The following CSMD1 variants were observed in gnomAD, a reference collection of about 807,000 sequenced individuals.
CSMD1 encodes CUB and Sushi multiple domains 1, also known as CUB and sushi domain-containing protein 1.
In CSMD1, 213 loss-of-function variants were observed where a neutral mutation model predicts 417.5. That is an observed-to-expected ratio of 0.51 (90% CI 0.46 to 0.57). CSMD1 has a LOEUF of 0.57. Ranked by LOEUF, CSMD1 falls within the 20% of genes least tolerant of loss-of-function variation. The probability of loss-of-function intolerance (pLI) is 0.00; values close to 1 mark genes in which losing one functional copy is unlikely to be tolerated. For missense variants in CSMD1, 6,923 were observed against 4,529.7 expected (o/e 1.53, Z -15.17); for synonymous variants, 2,862 against 1,736.8 (o/e 1.65, Z -16.11).
At chr8:3,554,134 A>C (rs78041479) in intron 10 of CSMD1, among the ~76,000 whole-genome samples, 5,366 of 152,354 alleles carry the variant, frequency 0.035, 336 homozygotes, top group African/African-American at 0.12. Context: ...CATGCCTTTT[A>C]TACAAGTGAA....
chr8:3,709,567 G>C, intron 6 of CSMD1, among the ~76,000 whole-genome samples: 1 of 151,856 alleles, frequency 6.6e-6, no homozygotes, highest in Non-Finnish European at 1.5e-5. Context: ...GCTCTCCCCA[G>C]TGTGGGTGGG....
intron 46 of CSMD1, among the ~76,000 whole-genome samples, chr8:3,101,471 G>A (rs1326699909): frequency 2.0e-5 from 3 of 152,178 alleles, no homozygotes; most frequent in Admixed American, 6.6e-5. Flanking sequence ...CGCCCAGGCT[G>A]GAGTGCAATG....
intron 5 of CSMD1, among the ~76,000 whole-genome samples, chr8:3,827,889 G>A (rs572086183): frequency 5.9e-5 from 9 of 152,196 alleles, no homozygotes; most frequent in Admixed American, 3.9e-4. Flanking sequence ...CATCCCCATG[G>A]GCTCACTCAA....
chr8:3,486,554 G>A (rs1256166610), intron 11 of CSMD1, among the ~76,000 whole-genome samples: 1 of 152,030 alleles, frequency 6.6e-6, no homozygotes, highest in Non-Finnish European at 1.5e-5. Flanking sequence ...TAGCCACAGT[G>A]AGTCTACACC....
chr8:3,009,315 T>C (rs927458672), intron 52 of CSMD1, among the ~76,000 whole-genome samples: 3 of 152,214 alleles, frequency 2.0e-5, no homozygotes, highest in Non-Finnish European at 4.4e-5. Context: ...ATATTCAACC[T>C]CAGTATTTGC....
Position 3,283,897 on chromosome 8 carries a change from A to G in CSMD1, c.4153+247T>C, listed in dbSNP as rs79647352. Among the ~76,000 whole-genome samples, 674 of 152,336 alleles carry G rather than the reference A, an allele frequency of 4.4e-3. 8 individuals carry two copies. The highest frequency in any genetic ancestry group is 0.016 in the African/African-American group (650 of 41,568). On this transcript the variant is annotated intron_variant, in intron 26 of 69. Coordinates refer to ENST00000635120, the MANE Select transcript of CSMD1 (RefSeq NM_033225.6). ...TTCTGAAGGTTCCAGTGGCATGCAA[A>G]ATGCACATCAAATGAGTTTGGTTAT...
At chr8:3,377,154 A>G (rs1810359500) in intron 18 of CSMD1, among the ~76,000 whole-genome samples, 2 of 152,124 alleles carry the variant, frequency 1.3e-5, no homozygotes, top group East Asian at 1.9e-4. Context: ...GACTATAGGC[A>G]CATGCCAATA....
At chr8:3,955,857 T>A (rs1287677591) in intron 5 of CSMD1, among the ~76,000 whole-genome samples, 3 of 152,140 alleles carry the variant, frequency 2.0e-5, no homozygotes, top group African/African-American at 7.2e-5. Flanking sequence ...GAGATCTCTG[T>A]TCCCCCAGGC....
At chr8:3,867,541 G>A (rs910138464) in intron 5 of CSMD1, among the ~76,000 whole-genome samples, 5 of 152,096 alleles carry the variant, frequency 3.3e-5, no homozygotes, top group East Asian at 3.8e-4. Flanking sequence ...ACAACAGAAG[G>A]CTAGTGAGAG....
intron 3 of CSMD1, among the ~76,000 whole-genome samples, chr8:4,305,142 G>C (rs1798179429): frequency 6.6e-6 from 1 of 152,116 alleles, no homozygotes; most frequent in Non-Finnish European, 1.5e-5. Flanking sequence ...TACATGCATT[G>C]GTATCTATTT....
At chr8:3,637,455 G>C (rs935553782) in intron 7 of CSMD1, among the ~76,000 whole-genome samples, 1 of 151,986 alleles carries the variant, frequency 6.6e-6, no homozygotes, top group African/African-American at 2.4e-5. Context: ...ATTTGATAAG[G>C]TAATATGACC....
At chr8:3,280,916 A>T (rs534151334) in intron 26 of CSMD1, among the ~76,000 whole-genome samples, 5 of 152,330 alleles carry the variant, frequency 3.3e-5, no homozygotes, top group Admixed American at 3.3e-4. Context: ...TATAGAAAAA[A>T]AAGAAGTGAT....
At chr8:4,875,925 T>C (rs1002644668) in intron 1 of CSMD1, among the ~76,000 whole-genome samples, 1 of 152,086 alleles carries the variant, frequency 6.6e-6, no homozygotes, top group African/African-American at 2.4e-5. Flanking sequence ...ATAGCAACAA[T>C]TTAAAGAATT....
chr8:4,071,092 T>G (rs887117003), intron 3 of CSMD1, among the ~76,000 whole-genome samples: 3 of 152,176 alleles, frequency 2.0e-5, no homozygotes, highest in African/African-American at 7.2e-5. Flanking sequence ...CAGTTATCTT[T>G]CAGTTTACAG....
At chr8:3,499,730 G>A (rs1796516299) in intron 10 of CSMD1, among the ~76,000 whole-genome samples, 1 of 151,998 alleles carries the variant, frequency 6.6e-6, no homozygotes, top group African/African-American at 2.4e-5. Context: ...TCAGGTTTGT[G>A]TCACTGAGTG....
At chr8:4,692,146 C>T (rs575485647) in intron 1 of CSMD1, among the ~76,000 whole-genome samples, 2 of 152,084 alleles carry the variant, frequency 1.3e-5, no homozygotes, top group Non-Finnish European at 2.9e-5. Flanking sequence ...TGCTGAAAAC[C>T]TGCCCCCTGT....
intron 2 of CSMD1, among the ~76,000 whole-genome samples, chr8:4,618,623 G>C (rs1362242879): frequency 6.6e-6 from 1 of 152,094 alleles, no homozygotes; most frequent in Non-Finnish European, 1.5e-5. Flanking sequence ...CTTCAGATCT[G>C]AAATGAATGC....
At chr8:4,340,611 G>A (rs536509085) in intron 3 of CSMD1, among the ~76,000 whole-genome samples, 1 of 152,086 alleles carries the variant, frequency 6.6e-6, no homozygotes, top group Non-Finnish European at 1.5e-5. Context: ...CTCTTGCTTG[G>A]CTGCGCCTCC....
intron 1 of CSMD1, among the ~76,000 whole-genome samples, chr8:4,959,164 G>T (rs1415232663): frequency 6.6e-6 from 1 of 152,160 alleles, no homozygotes; most frequent in Non-Finnish European, 1.5e-5. Context: ...ACATATCACT[G>T]GTTTCTATGA....
Sources: allele counts gnomAD v4.1 joint callset (sites outside exome capture counted in the v4.1 genomes callset), GRCh38; gene constraint gnomAD v4.1.1; transcripts MANE v1.5; gene names NCBI Gene and HGNC (gene_info 2026-07-23, HGNC 2026-07-21).